Variants in RNPEPL1 observed in about 807,000 individuals in gnomAD.
The protein encoded by RNPEPL1 is aminopeptidase RNPEPL1.
In RNPEPL1, 46 loss-of-function variants were observed where a neutral mutation model predicts 69.0. The observed-to-expected ratio is 0.67, with a 90% confidence interval of 0.53 to 0.85. The LOEUF is 0.85. RNPEPL1 is among the 40% of genes least tolerant of loss of function. RNPEPL1 has a pLI of 0.00. For missense variants in RNPEPL1, 869 were observed against 992.5 expected, an observed-to-expected ratio of 0.88 and a Z score of 1.67; for synonymous variants, 525 against 454.1, an observed-to-expected ratio of 1.16 and a Z score of -1.98.
At chr2:240,572,712 T>C in intron 2 of RNPEPL1, 149 bp downstream of exon 2, 4 of 1,056,142 alleles carry the variant, frequency 3.8e-6, no homozygotes, top group Non-Finnish European at 5.4e-6. Flanking sequence ...CCCTACTCTA[T>C]GGGAGGAGCC....
chr2:240,573,634 AGGGCGGGCTGTAGGCT>A lies in RNPEPL1; in HGVS notation c.822-137_822-122del, dbSNP rs2125449413. ...AGGGTGGCTGCCCATCCAGTGAGGC[AGGGCGGGCTGTAGGCT>A]GGGGTGGTCAGCCAGGCTGGGTGAG... On this transcript the variant is annotated intron_variant, in intron 3 of 10. Transcript: ENST00000270357. The A allele has an allele frequency of 5.7e-6, 4 of 705,496 alleles. No individual in the cohort carries two copies. In the East Asian group the frequency reaches 1.1e-4, roughly 19 times the overall value. The allele number at this position is 705,496 out of a possible 1,614,324, so 43.7% of individuals were successfully genotyped here. A position where few individuals can be genotyped will look rare whatever the true frequency, so the allele number is the denominator to read the frequency against.
intron 3 of RNPEPL1, 69 bp downstream of exon 3, chr2:240,573,330 G>T: frequency 6.7e-7 from 1 of 1,486,344 alleles, no homozygotes; most frequent in Non-Finnish European, 9.0e-7. Context: ...GGGGTCTGTG[G>T]CCTGTGTCCA....
In RNPEPL1 at chr2:240,571,841, GC is replaced by G. The variant is rs571328215; in HGVS notation, c.529-580del. ...CCTGCCAGCAGGGTCCTCTGGCCTG[GC>G]CTCCACTCCCTGCTTGCTGTCCCCT... On this transcript the variant is annotated intron_variant, in intron 1 of 10. Transcript: ENST00000270357. 5.9e-5 allele frequency among the ~76,000 whole-genome samples: 9 copies of G among 152,126 alleles called. No individual in the cohort carries two copies. In the South Asian group the frequency reaches 1.9e-3, roughly 32 times the overall value.
intron 8 of RNPEPL1, chr2:240,576,157 A>C: frequency 3.2e-6 from 1 of 311,950 alleles, no homozygotes; most frequent in Non-Finnish European, 6.0e-6. Context: ...ACTGCCCTTT[A>C]AGAGCAGGAA....
intron 2 of RNPEPL1, 47 bp downstream of exon 2, chr2:240,572,610 T>G (rs1236946508): frequency 2.0e-6 from 3 of 1,533,334 alleles, no homozygotes; most frequent in Non-Finnish European, 2.6e-6. Flanking sequence ...GACAGCCCAG[T>G]GGCCTGGCCA....
At chr2:240,574,980 G>C (rs758904324) in intron 6 of RNPEPL1, 50 bp from the exon 7 acceptor site, 1 of 1,398,570 alleles carries the variant, frequency 7.2e-7, no homozygotes, top group East Asian at 2.3e-5. Context: ...CCTATTCCAC[G>C]GGACACTGGT....
At chr2:240,570,732 C>T (rs2093018826) in intron 1 of RNPEPL1, among the ~76,000 whole-genome samples, 1 of 152,188 alleles carries the variant, frequency 6.6e-6, no homozygotes, top group Non-Finnish European at 1.5e-5. Context: ...GCGTCTGGAG[C>T]CCTTCAGCCT....
intron 1 of RNPEPL1, among the ~76,000 whole-genome samples, chr2:240,571,104 G>A (rs928535889): frequency 2.6e-5 from 4 of 152,124 alleles, no homozygotes; most frequent in Non-Finnish European, 5.9e-5. Context: ...CCCCCCCCAA[G>A]GGGGAGGCTG....
At position 240,568,544 on chromosome 2, in the gene RNPEPL1, C is replaced by T. The variant is rs2093010810; in HGVS notation, c.-43C>T. 5 of 931,150 alleles carry T rather than the reference C, an allele frequency of 5.4e-6. No homozygotes were observed. The South Asian group carries it at 2.4e-4, about 44-fold the overall frequency. The allele number at this position is 931,150 out of a possible 1,614,324, so 57.7% of individuals were successfully genotyped here. A position where few individuals can be genotyped will look rare whatever the true frequency, so the allele number is the denominator to read the frequency against. Reference sequence around the variant, plus strand: ...CGCCCGGCGCCCCTCGCCCGCGGCCCGGCGCGGCCGCCGCCCATGGATTTC... The same window carrying T: ...CGCCCGGCGCCCCTCGCCCGCGGCCTGGCGCGGCCGCCGCCCATGGATTTC... On this transcript the variant is annotated 5_prime_UTR_variant, in exon 1 of 11. Transcript: ENST00000270357. This position sits in a 1 kb window ranked among gnomAD's most constrained non-coding sequence, Gnocchi z 6.2.
intron 2 of RNPEPL1, 71 bp from the exon 3 acceptor site, chr2:240,573,039 C>T: frequency 1.4e-6 from 2 of 1,468,128 alleles, no homozygotes; most frequent in Admixed American, 2.5e-5. Context: ...GGCTGCCTGA[C>T]AGGCTCCCCG....
In RNPEPL1 at chr2:240,572,395, G is replaced by A. The variant is rs373444612; in HGVS notation, c.529-28G>A. On this transcript the variant is annotated intron_variant, in intron 1 of 10. Transcript: ENST00000270357. ...GGCCCAGCACCCTAGCTGGGTGGCC[G>A]TCTGCTGATGGGCCATCCTGCCCAC... 1,017 of 1,534,488 alleles carry A rather than the reference G, an allele frequency of 6.6e-4. 7 individuals are homozygous for A. The South Asian group carries it at 0.01, about 15-fold the overall frequency.
intron 2 of RNPEPL1, among the ~76,000 whole-genome samples, 199 bp from the exon 3 acceptor site, chr2:240,572,911 C>T (rs3762628): frequency 0.063 from 9,525 of 152,260 alleles, 293 homozygotes; most frequent in South Asian, 0.13. Context: ...TGTGCTGGGA[C>T]GAGGTTTGCA....
chr2:240,575,250 C>T, intron 7 of RNPEPL1, 108 bp downstream of exon 7: 2 of 911,298 alleles, frequency 2.2e-6, no homozygotes, highest in Non-Finnish European at 3.6e-6. Flanking sequence ...CTGGCAGGGG[C>T]CTGTGAGCCT....
At chr2:240,575,670 T>C in intron 8 of RNPEPL1, 60 bp downstream of exon 8, 2 of 1,366,892 alleles carry the variant, frequency 1.5e-6, no homozygotes, top group Non-Finnish European at 2.1e-6. Context: ...AGGCGGGGCC[T>C]CTGCTGCCTG....
In RNPEPL1 at chr2:240,576,832, GC is replaced by G; in HGVS notation, c.1742-11del. On this transcript the variant is annotated splice_polypyrimidine_tract_variant and intron_variant, in intron 9 of 10. Coordinates refer to ENST00000270357, the MANE Select transcript of RNPEPL1 (RefSeq NM_018226.6). ...TGCAACAGCGGCCCAGCCCTGACCT[GC>G]CCCCTGCGCTGCAGAGGTGGTGATG... 2 of 1,612,940 alleles carry G rather than the reference GC, an allele frequency of 1.2e-6. No individual in the cohort carries two copies. Among genetic ancestry groups the G allele is most frequent in the Non-Finnish European group, 1.7e-6 (2 of 1,179,940 alleles).
intron 1 of RNPEPL1, among the ~76,000 whole-genome samples, chr2:240,572,112 C>T (rs142981046): frequency 0.027 from 4,180 of 152,390 alleles, 71 homozygotes; most frequent in Non-Finnish European, 0.04. Flanking sequence ...ATGGGCTATT[C>T]CCTTTTTTCG....
Position 240,579,176 on chromosome 2 carries a change from A to T in RNPEPL1, c.*1284A>T, listed in dbSNP as rs1392117825. On this transcript the variant is annotated 3_prime_UTR_variant, in exon 11 of 11. Coordinates refer to ENST00000270357, the MANE Select transcript of RNPEPL1 (RefSeq NM_018226.6). ...GGCCAACATGCCGTGGCCCAGAAGC[A>T]GCACGTCTCTTCTCCCAACCCGCTG... is the stretch of plus-strand genomic sequence containing the variant. 6.6e-6 allele frequency: 1 copy of T among 152,268 alleles called. No individual in the cohort carries two copies. The highest frequency in any genetic ancestry group is 1.5e-5 in the Non-Finnish European group (1 of 68,070). The allele number at this position is 152,268 out of a possible 1,614,324, so 9.4% of individuals were successfully genotyped here. A position where few individuals can be genotyped will look rare whatever the true frequency, so the allele number is the denominator to read the frequency against.
chr2:240,574,384 C>T, intron 5 of RNPEPL1, 36 bp downstream of exon 5: 5 of 1,579,616 alleles, frequency 3.2e-6, no homozygotes, highest in Non-Finnish European at 3.4e-6. Flanking sequence ...CCACGGGGGG[C>T]CCTGGGCACT....
At chr2:240,569,807 C>T (rs575459451) in intron 1 of RNPEPL1, among the ~76,000 whole-genome samples, 74 of 152,330 alleles carry the variant, frequency 4.9e-4, no homozygotes, top group African/African-American at 1.6e-3. Context: ...ACACATGTGA[C>T]ACCCGACATA....
Sources: gnomAD v4.1 joint callset for allele counts (sites outside exome capture counted in the v4.1 genomes callset) on GRCh38, gnomAD v4.1.1 for gene constraint, Gnocchi (gnomAD v3.1) non-coding constraint, MANE v1.5 for transcripts, NCBI Gene and HGNC (gene_info 2026-07-23, HGNC 2026-07-21) for gene names.